ELOVL7: variants seen among roughly 807,000 people sequenced by gnomAD.
ELOVL7 encodes ELOVL fatty acid elongase 7.
In ELOVL7, 27 loss-of-function variants were observed where a neutral mutation model predicts 35.7. That is an observed-to-expected ratio of 0.76 (90% CI 0.56 to 1.04). The LOEUF (loss-of-function observed/expected upper bound fraction) is 1.04, where lower values mean the gene tolerates loss of function less well. Ranked by LOEUF, ELOVL7 falls within the 50% of genes least tolerant of loss-of-function variation. The pLI is 0.00. For missense variants in ELOVL7, 327 were observed against 340.8 expected (o/e 0.96, Z 0.32); for synonymous variants, 113 against 114.6 (o/e 0.99, Z 0.09).
chr5:60,800,735 C>A (rs940506580), intron 1 of ELOVL7, among the ~76,000 whole-genome samples: 2 of 152,096 alleles, frequency 1.3e-5, no homozygotes, highest in African/African-American at 4.8e-5. Context: ...TTTGAATGAC[C>A]TCTTTGTTGT....
At chr5:60,760,652 C>A (rs1038426052) in intron 7 of ELOVL7, among the ~76,000 whole-genome samples, 2 of 152,102 alleles carry the variant, frequency 1.3e-5, no homozygotes, top group Non-Finnish European at 2.9e-5. Context: ...AATTACATCC[C>A]ATTTGTCAAT....
At chr5:60,791,903 C>T (rs996238159) in intron 2 of ELOVL7, among the ~76,000 whole-genome samples, 5 of 152,156 alleles carry the variant, frequency 3.3e-5, no homozygotes, top group South Asian at 2.1e-4. Flanking sequence ...TGTATCTGTG[C>T]GATTTTTTTC....
chr5:60,819,489 C>A (rs1745760574), intron 1 of ELOVL7, among the ~76,000 whole-genome samples: 1 of 152,004 alleles, frequency 6.6e-6, no homozygotes, highest in African/African-American at 2.4e-5. Flanking sequence ...TGTTTAAGAA[C>A]CACGATCATA....
chr5:60,768,236 T>C (rs1742362718), intron 4 of ELOVL7, among the ~76,000 whole-genome samples: 1 of 152,194 alleles, frequency 6.6e-6, no homozygotes, highest in Admixed American at 6.5e-5. Flanking sequence ...TTATCTTAGG[T>C]TCATCTATGT....
At position 60,777,740 on chromosome 5, in the gene ELOVL7, C is replaced by A. The variant is rs984977284; in HGVS notation, c.65-5647G>T. ...CAGAAGGAATTACTGAAGGAAAAAACATAAAAACCAAAAAGGAACAGCTAG... is the reference window on the plus strand; with the variant it reads ...CAGAAGGAATTACTGAAGGAAAAAAAATAAAAACCAAAAAGGAACAGCTAG... On this transcript the variant is annotated intron_variant, in intron 3 of 8. Transcript: ENST00000508821. Among the ~76,000 whole-genome samples the A allele has an allele frequency of 5.7e-4, 87 of 152,142 alleles. 1 individual carries two copies. Among genetic ancestry groups the A allele is most frequent in the African/African-American group, 2.1e-3 (86 of 41,494 alleles).
rs190759781 is a variant in ELOVL7, at chr5:60,787,240, A to C, written c.64+94T>G. 21 of 1,067,258 alleles carry C rather than the reference A, an allele frequency of 2.0e-5. No homozygotes were observed. The East Asian group carries it at 5.3e-4, about 27-fold the overall frequency. 66.1% of individuals were successfully genotyped at this position (1,067,258 alleles called of 1,614,324 possible). ...GTAATAAGGGACTGTTAAGTTGCAA[A>C]GTCTCTCATTCTGTTCCAGTGAAAT... On this transcript the variant is annotated intron_variant, in intron 3 of 8. Coordinates refer to ENST00000508821, the MANE Select transcript of ELOVL7 (RefSeq NM_024930.3).
chr5:60,814,606 C>A (rs1745417088), intron 1 of ELOVL7, among the ~76,000 whole-genome samples: 1 of 152,174 alleles, frequency 6.6e-6, no homozygotes, highest in Non-Finnish European at 1.5e-5. Context: ...ATCTTCCTAG[C>A]AGCTCTTATC....
chr5:60,831,625 T>A (rs1206309120), intron 1 of ELOVL7, among the ~76,000 whole-genome samples: 2 of 152,234 alleles, frequency 1.3e-5, no homozygotes, highest in Admixed American at 6.5e-5. Context: ...TCGTGAGTTA[T>A]CAAGAACCAA....
intron 1 of ELOVL7, among the ~76,000 whole-genome samples, chr5:60,813,543 A>T (rs1223731101): frequency 2.0e-5 from 3 of 152,164 alleles, no homozygotes; most frequent in African/African-American, 7.2e-5. Context: ...CTGCCCTCCA[A>T]TGTAAAAATC....
intron 2 of ELOVL7, among the ~76,000 whole-genome samples, chr5:60,789,370 A>T (rs1743787626): frequency 6.6e-6 from 1 of 152,242 alleles, no homozygotes; most frequent in Non-Finnish European, 1.5e-5. Flanking sequence ...TGCTTAACTA[A>T]TCATATTTAA....
intron 1 of ELOVL7, among the ~76,000 whole-genome samples, chr5:60,812,588 G>T (rs1310800659): frequency 6.6e-6 from 1 of 152,170 alleles, no homozygotes; most frequent in African/African-American, 2.4e-5. Context: ...AGGGATTCTG[G>T]ATCACAGCAT....
intron 3 of ELOVL7, among the ~76,000 whole-genome samples, chr5:60,779,193 T>C (rs1579815392): frequency 6.6e-6 from 1 of 152,212 alleles, no homozygotes; most frequent in Non-Finnish European, 1.5e-5. Flanking sequence ...CTTCTCCAGG[T>C]GCACAGTGCA....
intron 7 of ELOVL7, among the ~76,000 whole-genome samples, chr5:60,761,577 A>G (rs1741913206): frequency 6.6e-6 from 1 of 152,142 alleles, no homozygotes; most frequent in African/African-American, 2.4e-5. Flanking sequence ...TTTATCAGAC[A>G]TATTTCTTAG....
In ELOVL7 at chr5:60,787,383, A is replaced by G. The variant is rs1561442457; in HGVS notation, c.15T>C (p.Asp5=). The G allele has an allele frequency of 6.2e-7, 1 of 1,603,334 alleles. No individual in the cohort carries two copies. Residue 5 remains aspartate (D), a synonymous_variant, in exon 3 of 9, where the codon GAT becomes GAC. Coordinates refer to ENST00000508821, the MANE Select transcript of ELOVL7 (RefSeq NM_024930.3). MAFS[D]LTSRTVHLYD... ...AAAGATGCACAGTCCTCGATGTAAG[A>G]TCACTGAAGGCCATTTTCCACAGGA... is the stretch of plus-strand genomic sequence containing the variant.
chr5:60,788,917 G>A (rs1258178854), intron 2 of ELOVL7, among the ~76,000 whole-genome samples: 1 of 152,010 alleles, frequency 6.6e-6, no homozygotes, highest in Admixed American at 6.6e-5. Context: ...TATGATAAAG[G>A]TGGCATCTCC....
intron 1 of ELOVL7, among the ~76,000 whole-genome samples, chr5:60,828,291 T>C (rs1323510403): frequency 6.6e-6 from 1 of 152,176 alleles, no homozygotes; most frequent in East Asian, 1.9e-4. Context: ...TGGTAAAAAT[T>C]ATAATAGGAA....
chr5:60,828,430 T>C (rs1746298888), intron 1 of ELOVL7, among the ~76,000 whole-genome samples: 1 of 152,194 alleles, frequency 6.6e-6, no homozygotes, highest in Non-Finnish European at 1.5e-5. Context: ...TTTATTAATT[T>C]AACAAAACAT....
rs1313607524 is a variant in ELOVL7 at position 60,844,198 on chromosome 5, G to T, written c.-124C>A. The T allele has an allele frequency of 1.3e-5, 2 of 152,198 alleles. No homozygotes were observed. The highest frequency in any genetic ancestry group is 2.9e-5 in the Non-Finnish European group (2 of 68,116). The allele number at this position is 152,198 out of a possible 1,614,324, so 9.4% of individuals were successfully genotyped here. A position where few individuals can be genotyped will look rare whatever the true frequency, so the allele number is the denominator to read the frequency against. The stretch of plus-strand genomic sequence containing the variant: ...GAGCCGAAGCGCCGGGCGCGCGCGG[G>T]AGAGAGGGCGGCGACTGGCAGCGCG... On this transcript the variant is annotated 5_prime_UTR_variant, in exon 1 of 9. Coordinates refer to ENST00000508821, the MANE Select transcript of ELOVL7 (RefSeq NM_024930.3).
chr5:60,807,995 A>G, intron 1 of ELOVL7, among the ~76,000 whole-genome samples: 1 of 134,160 alleles, frequency 7.5e-6, no homozygotes, highest in African/African-American at 3.1e-5. Flanking sequence ...TCCGTCTCAA[A>G]AAAAAAAAAA....
Sources: gnomAD v4.1 joint callset for allele counts (sites outside exome capture counted in the v4.1 genomes callset) on GRCh38, gnomAD v4.1.1 for gene constraint, MANE v1.5 for transcripts, NCBI Gene and HGNC (gene_info 2026-07-23, HGNC 2026-07-21) for gene names.